FGF1: variants seen among roughly 807,000 people sequenced by gnomAD.
FGF1 encodes fibroblast growth factor 1, also known as beta-endothelial cell growth factor.
FGF1 carries 9 observed loss-of-function variants against 13.4 expected under a neutral mutation model. The observed-to-expected ratio is 0.67, with a 90% CI of 0.40 to 1.17. The LOEUF is 1.17. FGF1 is among the 50% of genes most tolerant of loss of function. The pLI, the probability that FGF1 is intolerant of heterozygous loss-of-function variation, is 0.01. For missense variants in FGF1, 156 were observed against 192.7 expected (o/e 0.81, Z 1.13); for synonymous variants, 93 against 79.0 (o/e 1.18, Z -0.94).
intron 1 of FGF1, among the ~76,000 whole-genome samples, chr5:142,659,382 C>A (rs934762989): frequency 6.6e-6 from 1 of 152,042 alleles, no homozygotes; most frequent in Admixed American, 6.6e-5. Context: ...GCACCCACCA[C>A]CACACCCAGC....
chr5:142,690,392 T>C (rs543535157), upstream of FGF1, among the ~76,000 whole-genome samples: 268 of 152,286 alleles, frequency 1.8e-3, 1 homozygote, highest in African/African-American at 6.2e-3. Context: ...ACGAACACTC[T>C]GTGCACATGA....
chr5:142,600,041 A>G (rs1039200081), intron 3 of FGF1, among the ~76,000 whole-genome samples: 2 of 152,238 alleles, frequency 1.3e-5, no homozygotes, highest in Non-Finnish European at 2.9e-5. Flanking sequence ...GTAAAAAGCA[A>G]TAAGAGACAC....
chr5:142,690,288 G>C (rs1454844976), upstream of FGF1, among the ~76,000 whole-genome samples: 1 of 152,180 alleles, frequency 6.6e-6, no homozygotes, highest in South Asian at 2.1e-4. Context: ...GCAGTGAGCC[G>C]AGATCGCGCC....
chr5:142,680,316 G>A (rs1257820606), intron 1 of FGF1, among the ~76,000 whole-genome samples: 22 of 152,264 alleles, frequency 1.4e-4, no homozygotes, highest in African/African-American at 1.4e-4. Context: ...CACCAGACAC[G>A]TCTTCTGAAG....
intron 1 of FGF1, among the ~76,000 whole-genome samples, chr5:142,676,341 C>G (rs1772593740): frequency 6.6e-6 from 1 of 152,238 alleles, no homozygotes; most frequent in South Asian, 2.1e-4. Flanking sequence ...CGTGGATTCT[C>G]TCCCTACATT....
intron 1 of FGF1, among the ~76,000 whole-genome samples, chr5:142,635,296 A>C (rs561425790): frequency 6.6e-6 from 1 of 152,322 alleles, no homozygotes; most frequent in African/African-American, 2.4e-5. Context: ...CATGTAAAAC[A>C]CCTGGCACAT....
At chr5:142,636,061 G>A (rs975378413) in intron 1 of FGF1, among the ~76,000 whole-genome samples, 3 of 152,178 alleles carry the variant, frequency 2.0e-5, no homozygotes, top group Admixed American at 6.5e-5. Flanking sequence ...AACAGAGGGT[G>A]AGGCAACATA....
At chr5:142,645,112 C>T (rs1346860847) in intron 1 of FGF1, among the ~76,000 whole-genome samples, 2 of 152,122 alleles carry the variant, frequency 1.3e-5, no homozygotes, top group Non-Finnish European at 2.9e-5. Context: ...GCTTGTAATG[C>T]AGTCATCTCC....
intron 1 of FGF1, among the ~76,000 whole-genome samples, chr5:142,678,018 A>G (rs976771940): frequency 1.3e-5 from 2 of 152,080 alleles, no homozygotes; most frequent in Admixed American, 6.5e-5. Context: ...AACTGGGGGG[A>G]AAGCATCCCA....
chr5:142,647,953 T>C (rs1393407479), intron 1 of FGF1, among the ~76,000 whole-genome samples: 1 of 152,072 alleles, frequency 6.6e-6, no homozygotes, highest in African/African-American at 2.4e-5. Context: ...GGCGTGGTGG[T>C]GCGCACCTGT....
chr5:142,608,799 G>A (rs200430088), intron 2 of FGF1, among the ~76,000 whole-genome samples: 1 of 11,924 alleles, frequency 8.4e-5, no homozygotes. Context: ...GATATATTAT[G>A]TGTGTGTGTG....
intron 1 of FGF1, among the ~76,000 whole-genome samples, chr5:142,684,914 T>TG (rs1170501208): frequency 6.9e-6 from 1 of 144,818 alleles, no homozygotes; most frequent in East Asian, 2.3e-4. Flanking sequence ...AAAGTGCCAG[T>TG]CACCAGTGCA....
intron 1 of FGF1, among the ~76,000 whole-genome samples, chr5:142,631,713 T>A (rs1189320816): frequency 1.3e-5 from 2 of 151,228 alleles, no homozygotes; most frequent in African/African-American, 2.4e-5. Context: ...ACAGGTGCAC[T>A]GCCTTCCTTA....
chr5:142,670,182 C>T (rs141191478), intron 1 of FGF1, among the ~76,000 whole-genome samples: 1 of 152,108 alleles, frequency 6.6e-6, no homozygotes, highest in African/African-American at 2.4e-5. Context: ...TACTTCCCAG[C>T]TAGGAAGGCC....
intron 2 of FGF1, among the ~76,000 whole-genome samples, chr5:142,696,783 T>C (rs1753177731): frequency 6.6e-6 from 1 of 152,268 alleles, no homozygotes; most frequent in Admixed American, 6.5e-5. Context: ...CCATGGTTAC[T>C]AAATGAATCC....
chr5:142,682,368 G>T (rs1773870711), intron 1 of FGF1, among the ~76,000 whole-genome samples: 1 of 152,214 alleles, frequency 6.6e-6, no homozygotes, highest in Admixed American at 6.5e-5. Context: ...ACAGGCATGA[G>T]CCATCGCACC....
chr5:142,639,234 A>G (rs1764767627), intron 1 of FGF1, among the ~76,000 whole-genome samples: 1 of 152,020 alleles, frequency 6.6e-6, no homozygotes, highest in Admixed American at 6.5e-5. Flanking sequence ...GTGCATTGCT[A>G]CATTATTCAC....
At chr5:142,694,170 C>G (rs1019077146) in intron 2 of FGF1, among the ~76,000 whole-genome samples, 1 of 151,142 alleles carries the variant, frequency 6.6e-6, no homozygotes, top group African/African-American at 2.4e-5. Flanking sequence ...TATGTATTCC[C>G]CCCCACCCTG....
At position 142,614,028 on chromosome 5, in the gene FGF1, C is replaced by T. The variant is rs780745181; in HGVS notation, c.100G>A (p.Gly34Arg). The T allele has an allele frequency of 9.9e-6, 16 of 1,613,982 alleles. No individual in the cohort carries two copies. The highest frequency in any genetic ancestry group is 6.7e-5 in the East Asian group (3 of 44,892). The part of the protein sequence containing the change: ...KKPKLLYCSN[G>R]GHFLRILPDG... ...GGAAGGATCCTCAGGAAGTGGCCCC[C>T]GTTGCTACAGTAGAGGAGTTTGGGC... Residue 34 changes from glycine (G) to arginine (R), a missense_variant, in exon 2 of 4, where the codon GGG becomes AGG. By Grantham distance (125) the Gly-to-Arg change is moderately radical. Transcript: ENST00000337706.
Sources: gnomAD v4.1 joint callset for allele counts (sites outside exome capture counted in the v4.1 genomes callset) on GRCh38, gnomAD v4.1.1 for gene constraint, MANE v1.5 for transcripts, NCBI Gene and HGNC (gene_info 2026-07-23, HGNC 2026-07-21) for gene names.